EOLA2: variants seen among roughly 807,000 people sequenced by gnomAD.
EOLA2 encodes protein EOLA2.
Under a neutral mutation model 4.1 loss-of-function variants are expected in EOLA2, and 3 were observed. The observed-to-expected ratio is 0.73, with a 90% confidence interval of 0.33 to 1.89. The LOEUF is 1.89. Ranked by LOEUF, EOLA2 falls within the 40% of genes most tolerant of loss-of-function variation. The pLI is 0.08. For missense variants in EOLA2, 109 were observed against 126.4 expected (o/e 0.86, Z 0.66); for synonymous variants, 52 against 51.7 (o/e 1.01, Z -0.03).
At chrX:149,935,106 C>T (rs1305087124) in intron 2 of EOLA2, among the ~76,000 whole-genome samples, 7 of 107,240 alleles carry the variant, frequency 6.5e-5, no homozygotes, top group African/African-American at 2.4e-4. Context: ...AACACATAAA[C>T]GCAACCTCTA....
rs1264260811 is a variant in EOLA2 at position 149,938,271 on chromosome X, C to T, written c.-289G>A. ...CAGGGCCGACTCTGGCTTTTGGCCT[C>T]AGAGTACAGTCCTCCGCCTCCTCGC... On this transcript the variant is annotated 5_prime_UTR_variant, in exon 1 of 5. Coordinates refer to ENST00000370406, the MANE Select transcript of EOLA2 (RefSeq NM_001013845.2). 8.9e-6 allele frequency: 1 copy of T among 112,913 alleles called. No homozygotes were observed. The highest frequency in any genetic ancestry group is 1.9e-5 in the Non-Finnish European group (1 of 53,340). The allele number at this position is 112,913 out of a possible 1,213,427, so 9.3% of individuals were successfully genotyped here.
chrX:149,937,351 TGG>T, intron 2 of EOLA2, 80 bp downstream of exon 2: 1 of 292,140 alleles, frequency 3.4e-6, no homozygotes. Flanking sequence ...TGTGTGTGTG[TGG>T]AATCCCTAGT....
At chrX:149,937,790 C>T (rs1250191424) in intron 1 of EOLA2, among the ~76,000 whole-genome samples, 4 of 112,861 alleles carry the variant, frequency 3.5e-5, no homozygotes, top group Non-Finnish European at 7.5e-5. Flanking sequence ...ACTTCCCCTC[C>T]CATTGTCATC....
At chrX:149,935,790 C>T (rs1489268334) in intron 2 of EOLA2, among the ~76,000 whole-genome samples, 3 of 106,626 alleles carry the variant, frequency 2.8e-5, no homozygotes, top group Non-Finnish European at 5.8e-5. Flanking sequence ...CTCCCTTCCA[C>T]CTCTGTGAGT....
intron 2 of EOLA2, among the ~76,000 whole-genome samples, chrX:149,937,138 CTGAGCATGA>C (rs1188616989): frequency 7.3e-5 from 8 of 110,288 alleles, no homozygotes; most frequent in Middle Eastern, 4.6e-3. Context: ...CTTGTGGCCC[CTGAGCATGA>C]TTATTCTTCT....
chrX:149,934,678 C>T, intron 2 of EOLA2: 1 of 749,535 alleles, frequency 1.3e-6, no homozygotes, highest in Non-Finnish European at 1.6e-6. Flanking sequence ...CAAATTGAAT[C>T]TTCAAGTAAC....
At chrX:149,933,286 C>G (rs2090910913) in intron 4 of EOLA2, among the ~76,000 whole-genome samples, 2 of 100,822 alleles carry the variant, frequency 2.0e-5, no homozygotes, top group African/African-American at 7.4e-5. Context: ...TTTTCATGGT[C>G]TCTGCCACAC....
Position 149,934,092 on chromosome X carries a change from C to T in EOLA2, c.-117G>A. ...GGGCTAGGATTCGGCTGACTCAGGT[C>T]CATCCCATGGAGTCTTTGGGGCGGT... On this transcript the variant is annotated 5_prime_UTR_variant, in exon 3 of 5. An upstream open reading frame in the 5' UTR gains an earlier in-frame stop. Coordinates refer to ENST00000370406, the MANE Select transcript of EOLA2 (RefSeq NM_001013845.2). 3.7e-6 allele frequency: 4 copies of T among 1,074,675 alleles called. No individual in the cohort carries two copies. The South Asian group carries it at 9.7e-5, about 26-fold the overall frequency. The allele number at this position is 1,074,675 out of a possible 1,213,427, so 88.6% of individuals were successfully genotyped here.
In EOLA2 at chrX:149,938,286, C is replaced by T. The variant is rs1434411381; in HGVS notation, c.-304G>A. 8.9e-6 allele frequency: 1 copy of T among 112,823 alleles called. No homozygotes were observed. Among genetic ancestry groups the T allele is most frequent in the Non-Finnish European group, 1.9e-5 (1 of 53,312 alleles). 9.3% of individuals were successfully genotyped at this position (112,823 alleles called of 1,213,427 possible). A position where few individuals can be genotyped will look rare whatever the true frequency, so the allele number is the denominator to read the frequency against. The stretch of plus-strand genomic sequence containing the variant: ...CTTTTGGCCTCAGAGTACAGTCCTC[C>T]GCCTCCTCGCGACCCAGCGAGGCCA... On this transcript the variant is annotated 5_prime_UTR_variant, in exon 1 of 5. Coordinates refer to ENST00000370406, the MANE Select transcript of EOLA2 (RefSeq NM_001013845.2).
Position 149,938,174 on chromosome X carries a change from G to C in EOLA2, c.-211+19C>G, listed in dbSNP as rs1201286527. On this transcript the variant is annotated intron_variant, in intron 1 of 4. Coordinates refer to ENST00000370406, the MANE Select transcript of EOLA2 (RefSeq NM_001013845.2). ...AAGAGGGCCGAGCACACGGGCTCCG[G>C]CATCAGGGGCCCTGGTACCTTTCAG... The C allele has an allele frequency of 4.4e-5, 5 of 113,467 alleles. No individual in the cohort carries two copies. The highest frequency in any genetic ancestry group is 7.5e-5 in the Non-Finnish European group (4 of 53,428). 9.4% of individuals were successfully genotyped at this position (113,467 alleles called of 1,213,427 possible).
rs201467089 is a variant in EOLA2, at chrX:149,933,793, G to C, written c.82C>G (p.Arg28Gly). ...TTCCGCTGGCTGCTCAGCAGAGGACGCCAGCGCGTCTCCACAGTCTTGATT... is the reference window on the plus strand; with the variant it reads ...TTCCGCTGGCTGCTCAGCAGAGGACCCCAGCGCGTCTCCACAGTCTTGATT... ...NGIKTVETRW[R>G]PLLSSQRNCT... The change falls in exon 4 of 5, where the codon CGT (arginine) becomes GGT (glycine). Residue 28 changes from arginine to glycine, a missense_variant. Physicochemically the swap from Arg to Gly is moderately radical, Grantham distance 125. Transcript: ENST00000370406. 8.3e-7 allele frequency: 1 copy of C among 1,199,420 alleles called. No individual in the cohort carries two copies. Among genetic ancestry groups the C allele is most frequent in the East Asian group, 3.0e-5 (1 of 33,711 alleles).
In EOLA2 at chrX:149,938,409, T is replaced by G. The variant is rs1360401628; in HGVS notation, c.-427A>C. The G allele has an allele frequency of 8.9e-6, 1 of 112,564 alleles. No individual in the cohort carries two copies. Among genetic ancestry groups the G allele is most frequent in the Non-Finnish European group, 1.9e-5 (1 of 53,185 alleles). The allele number at this position is 112,564 out of a possible 1,213,427, so 9.3% of individuals were successfully genotyped here. A position where few individuals can be genotyped will look rare whatever the true frequency, so the allele number is the denominator to read the frequency against. On this transcript the variant is annotated 5_prime_UTR_variant, in exon 1 of 5. Coordinates refer to ENST00000370406, the MANE Select transcript of EOLA2 (RefSeq NM_001013845.2). ...GCTGCCGCTTACTCCCGGAAACCGG[T>G]GGCCAGTGACAGATGCTAGCGGTCC...
chrX:149,933,854 G>A lies in EOLA2; in HGVS notation c.21C>T (p.Ser7=), dbSNP rs782674667. Residue 7 remains serine, a synonymous_variant, in exon 4 of 5, where the codon TCC becomes TCT. Coordinates refer to ENST00000370406, the MANE Select transcript of EOLA2 (RefSeq NM_001013845.2). MKFGCL[S]FRQPYAGFVL... Reference sequence around the variant, plus strand: ...CAAAGCCAGCATAAGGCTGCCGGAAGGAGAGGCAGCCAAACTTCATCTTCG... The same window carrying A: ...CAAAGCCAGCATAAGGCTGCCGGAAAGAGAGGCAGCCAAACTTCATCTTCG... 2 of 1,202,939 alleles carry A rather than the reference G, an allele frequency of 1.7e-6. No homozygotes were observed. The highest frequency in any genetic ancestry group is 2.2e-6 in the Non-Finnish European group (2 of 890,734).
At chrX:149,933,110 C>T (rs1603025375) in intron 4 of EOLA2, among the ~76,000 whole-genome samples, 1 of 104,343 alleles carries the variant, frequency 9.6e-6, no homozygotes, top group East Asian at 3.1e-4. Context: ...ACAGGTGATG[C>T]CTGAGCAGGT....
Position 149,934,136 on chromosome X carries a change from A to G in EOLA2, c.-161T>C. On this transcript the variant is annotated splice_region_variant and 5_prime_UTR_variant, in exon 3 of 5. Transcript: ENST00000370406. Reference sequence around the variant, plus strand: ...GGGCGGTCCGGAGTAGGGCGGGGACAGCTAGAGGAAGGCACAGGCAGGATA... The same window carrying G: ...GGGCGGTCCGGAGTAGGGCGGGGACGGCTAGAGGAAGGCACAGGCAGGATA... 9.6e-7 allele frequency: 1 copy of G among 1,044,689 alleles called. No homozygotes were observed. The highest frequency in any genetic ancestry group is 1.2e-6 in the Non-Finnish European group (1 of 816,783). The allele number at this position is 1,044,689 out of a possible 1,213,427, so 86.1% of individuals were successfully genotyped here. A position where few individuals can be genotyped will look rare whatever the true frequency, so the allele number is the denominator to read the frequency against.
chrX:149,936,110 T>C (rs1219270737), intron 2 of EOLA2, among the ~76,000 whole-genome samples: 43 of 104,633 alleles, frequency 4.1e-4, no homozygotes, highest in Non-Finnish European at 7.9e-4. Flanking sequence ...CTGAAACCTT[T>C]CAAGGGCTCC....
At chrX:149,935,818 T>C (rs28412769) in intron 2 of EOLA2, among the ~76,000 whole-genome samples, 2,445 of 101,340 alleles carry the variant, frequency 0.024, 74 homozygotes, top group African/African-American at 0.07. Context: ...CCAGCTACAG[T>C]GTTCCTGCCC....
At chrX:149,934,607 G>A in intron 2 of EOLA2, 1 of 753,135 alleles carries the variant, frequency 1.3e-6, no homozygotes, top group Non-Finnish European at 1.6e-6. Context: ...AGAACAACTG[G>A]CAACCCCCCA....
rs1452985115 is a variant in EOLA2, at chrX:149,934,004, C to G, written c.-30+1G>C. 1.9e-5 allele frequency: 21 copies of G among 1,120,156 alleles called. No individual in the cohort carries two copies. The highest frequency in any genetic ancestry group is 2.5e-5 in the Non-Finnish European group (21 of 852,177). 92.3% of individuals were successfully genotyped at this position (1,120,156 alleles called of 1,213,427 possible). A position where few individuals can be genotyped will look rare whatever the true frequency, so the allele number is the denominator to read the frequency against. ...TCTCAGGTGGCCTAAATCGCACTGA[C>G]CTTGATGGTCTGCTGCTTCCGTCTG... On this transcript the variant is annotated splice_donor_variant, in intron 3 of 4. Transcript: ENST00000370406. LOFTEE classifies it low-confidence loss of function (5UTR_SPLICE).
Sources: gnomAD v4.1 joint callset for allele counts (sites outside exome capture counted in the v4.1 genomes callset) on GRCh38, gnomAD v4.1.1 for gene constraint, MANE v1.5 for transcripts, NCBI Gene and HGNC (gene_info 2026-07-23, HGNC 2026-07-21) for gene names.